The following MYO10 variants were observed in gnomAD, a reference collection of about 807,000 sequenced individuals.
The protein encoded by MYO10 is unconventional myosin-X.
MYO10 carries 133 observed loss-of-function variants against 257.3 expected under a neutral mutation model. The observed-to-expected ratio is 0.52, with a 90% confidence interval of 0.45 to 0.60. MYO10 has a LOEUF of 0.60. MYO10 is among the 20% of genes least tolerant of loss of function. The pLI is 0.00. For missense variants in MYO10, 2,399 were observed against 2,635.7 expected, an observed-to-expected ratio of 0.91 and a Z score of 1.97; for synonymous variants, 1,104 against 1,028.6, an observed-to-expected ratio of 1.07 and a Z score of -1.40.
At chr5:16,928,817 C>A (rs1347648817) in intron 1 of MYO10, among the ~76,000 whole-genome samples, 1 of 151,424 alleles carries the variant, frequency 6.6e-6, no homozygotes, top group Non-Finnish European at 1.5e-5. Context: ...TGCACTCCAG[C>A]CTGGGCGACA....
intron 3 of MYO10, among the ~76,000 whole-genome samples, chr5:16,812,028 A>C (rs2126698317): frequency 6.6e-6 from 1 of 152,328 alleles, no homozygotes; most frequent in South Asian, 2.1e-4. Context: ...ACAGGAGATG[A>C]AGAAGTCTAG....
intron 2 of MYO10, among the ~76,000 whole-genome samples, chr5:16,843,110 G>A (rs139721926): frequency 2.0e-5 from 3 of 152,024 alleles, no homozygotes; most frequent in Non-Finnish European, 4.4e-5. Flanking sequence ...GACCACACAT[G>A]CACCAGCCCA....
chr5:16,667,165 T>C (rs2126448217), intron 40 of MYO10, among the ~76,000 whole-genome samples: 1 of 152,328 alleles, frequency 6.6e-6, no homozygotes, highest in East Asian at 1.9e-4. Context: ...AGTCCACAAT[T>C]ACAGCCTTTA....
chr5:16,723,524 G>A (rs1281976556), intron 19 of MYO10, among the ~76,000 whole-genome samples: 1 of 152,176 alleles, frequency 6.6e-6, no homozygotes, highest in Admixed American at 6.5e-5. Flanking sequence ...AGAATTGGCA[G>A]GAATGCAAAA....
At chr5:16,725,068 C>A (rs1179173940) in intron 19 of MYO10, among the ~76,000 whole-genome samples, 1 of 145,732 alleles carries the variant, frequency 6.9e-6, no homozygotes, top group Non-Finnish European at 1.5e-5. Context: ...AGTTCTCTCA[C>A]CTTCTTCTTC....
intron 19 of MYO10, among the ~76,000 whole-genome samples, chr5:16,729,019 G>A (rs1030789023): frequency 5.3e-5 from 8 of 152,258 alleles, no homozygotes; most frequent in South Asian, 4.1e-4. Context: ...GTGGGTTGCC[G>A]ATTTTTACTG....
intron 4 of MYO10, among the ~76,000 whole-genome samples, chr5:16,792,367 G>C (rs897286997): frequency 2.0e-4 from 31 of 152,200 alleles, no homozygotes; most frequent in African/African-American, 7.5e-4. Flanking sequence ...AGGGCTGTCA[G>C]GGGTTTCAAT....
At chr5:16,729,537 T>C (rs1451859479) in intron 19 of MYO10, among the ~76,000 whole-genome samples, 2 of 151,658 alleles carry the variant, frequency 1.3e-5, no homozygotes, top group Non-Finnish European at 2.9e-5. Flanking sequence ...CTGCAAGTTC[T>C]GCCTCCCGGG....
At chr5:16,765,981 T>G in intron 11 of MYO10, 99 bp downstream of exon 11, 1 of 824,326 alleles carries the variant, frequency 1.2e-6, no homozygotes, top group Non-Finnish European at 2.0e-6. Context: ...TATATTACAG[T>G]TACAACTGTT....
chr5:16,838,717 G>C (rs1457258808), intron 2 of MYO10, among the ~76,000 whole-genome samples: 1 of 152,174 alleles, frequency 6.6e-6, no homozygotes, highest in African/African-American at 2.4e-5. Context: ...AATTAAAGAG[G>C]AGAACTCAAG....
At position 16,761,258 on chromosome 5, in the gene MYO10, T is replaced by C. The variant is rs187028323; in HGVS notation, c.1739+206A>G. Among the ~76,000 whole-genome samples, 627 of 152,320 alleles carry C rather than the reference T, an allele frequency of 4.1e-3. 5 individuals are homozygous for C. Among genetic ancestry groups the C allele is most frequent in the African/African-American group, 0.015 (605 of 41,576 alleles). On this transcript the variant is annotated intron_variant, in intron 17 of 40. Coordinates refer to ENST00000513610, the MANE Select transcript of MYO10 (RefSeq NM_012334.3). The stretch of plus-strand genomic sequence containing the variant: ...TGCCCACCTTGGCATCCCAAAGTGC[T>C]GGGATTACAGGCGTGAGCCACCATG...
intron 2 of MYO10, among the ~76,000 whole-genome samples, chr5:16,843,855 A>G (rs1235987450): frequency 6.6e-6 from 1 of 152,258 alleles, no homozygotes; most frequent in Non-Finnish European, 1.5e-5. Flanking sequence ...GTTCATTAAC[A>G]GCATCAAAAC....
rs1475628637 is a variant in MYO10 at position 16,763,763 on chromosome 5, G to A, written c.1327-8C>T. 2.7e-6 allele frequency: 4 copies of A among 1,505,744 alleles called. No individual in the cohort carries two copies. Among genetic ancestry groups the A allele is most frequent in the Non-Finnish European group, 2.8e-6 (3 of 1,088,608 alleles). 93.3% of individuals were successfully genotyped at this position (1,505,744 alleles called of 1,614,324 possible). A position where few individuals can be genotyped will look rare whatever the true frequency, so the allele number is the denominator to read the frequency against. On this transcript the variant is annotated splice_polypyrimidine_tract_variant and splice_region_variant and intron_variant, in intron 12 of 40. Transcript: ENST00000513610. ...CTGTTCAAAGTGATTAACCTAAGGGGGGAAAGCATTCAATAAGTATCTTTA... is the reference window on the plus strand; with the variant it reads ...CTGTTCAAAGTGATTAACCTAAGGGAGGAAAGCATTCAATAAGTATCTTTA...
Position 16,881,386 on chromosome 5 carries a change from C to T in MYO10, c.22-3679G>A, listed in dbSNP as rs78197342. Among the ~76,000 whole-genome samples the T allele has an allele frequency of 6.7e-3, 1,019 of 152,290 alleles. 10 individuals are homozygous for T. Among genetic ancestry groups the T allele is most frequent in the African/African-American group, 0.023 (975 of 41,556 alleles). On this transcript the variant is annotated intron_variant, in intron 1 of 40. Coordinates refer to ENST00000513610, the MANE Select transcript of MYO10 (RefSeq NM_012334.3). ...TTTACCCTTTCGTTTGAAAGTACTA[C>T]AAAAGCCCTTTGTTGACACAGTGCT...
intron 2 of MYO10, among the ~76,000 whole-genome samples, chr5:16,842,133 A>G (rs1219427164): frequency 6.6e-6 from 1 of 152,184 alleles, no homozygotes; most frequent in East Asian, 1.9e-4. Flanking sequence ...AACCCTTTAT[A>G]TGTATAAGCA....
At chr5:16,927,206 G>A (rs1243911544) in intron 1 of MYO10, among the ~76,000 whole-genome samples, 2 of 151,510 alleles carry the variant, frequency 1.3e-5, no homozygotes, top group Non-Finnish European at 2.9e-5. Context: ...TGTTTTATCA[G>A]AAACATATAT....
intron 19 of MYO10, among the ~76,000 whole-genome samples, chr5:16,731,185 C>T (rs1739568949): frequency 6.6e-6 from 1 of 151,406 alleles, no homozygotes; most frequent in Admixed American, 6.6e-5. Context: ...GCTGGGATTA[C>T]AGGTGCCCGC....
At chr5:16,769,263 A>C in intron 9 of MYO10, 60 bp from the exon 10 acceptor site, 5 of 1,480,970 alleles carry the variant, frequency 3.4e-6, no homozygotes, top group Non-Finnish European at 4.5e-6. Context: ...GAAAATGTAG[A>C]ATATCCCTGA....
At chr5:16,709,265 G>A (rs1323755080) in intron 21 of MYO10, among the ~76,000 whole-genome samples, 3 of 152,210 alleles carry the variant, frequency 2.0e-5, no homozygotes, top group Non-Finnish European at 4.4e-5. Flanking sequence ...GGAGTGGAGA[G>A]TAAGATTCCA....
Sources: allele counts gnomAD v4.1 joint callset (sites outside exome capture counted in the v4.1 genomes callset), GRCh38; gene constraint gnomAD v4.1.1; transcripts MANE v1.5; gene names NCBI Gene and HGNC (gene_info 2026-07-23, HGNC 2026-07-21).